NTRK2: variants seen among roughly 807,000 people sequenced by gnomAD.
The protein encoded by NTRK2 is neurotrophic receptor tyrosine kinase 2, also known as BDNF/NT-3 growth factors receptor.
NTRK2 carries 13 observed loss-of-function variants against 94.5 expected under a neutral mutation model. That is an observed-to-expected ratio of 0.14 (90% CI 0.09 to 0.22). The LOEUF is 0.22. Ranked by LOEUF, NTRK2 falls within the 10% of genes least tolerant of loss-of-function variation. NTRK2 has a pLI of 1.00. For missense variants in NTRK2, 639 were observed against 1,071.2 expected (o/e 0.60, Z 5.63); for synonymous variants, 372 against 407.4 (o/e 0.91, Z 1.05).
At chr9:84,686,950 A>G (rs13302051) in intron 2 of NTRK2, among the ~76,000 whole-genome samples, 4,216 of 152,348 alleles carry the variant, frequency 0.028, 72 homozygotes, top group Admixed American at 0.044. Flanking sequence ...ATATCTATTG[A>G]TGTTTTATTT....
intron 6 of NTRK2, among the ~76,000 whole-genome samples, chr9:84,716,744 G>A (rs2061734471): frequency 6.6e-6 from 1 of 152,136 alleles, no homozygotes; most frequent in African/African-American, 2.4e-5. Flanking sequence ...TTCTTAGAAT[G>A]TCAAATGAAG....
At chr9:84,944,793 G>T (rs74845333) in intron 15 of NTRK2, among the ~76,000 whole-genome samples, 1 of 152,152 alleles carries the variant, frequency 6.6e-6, no homozygotes, top group East Asian at 1.9e-4. Flanking sequence ...GGATTCTTAC[G>T]TGAGCAAACT....
chr9:84,983,146 T>C (rs1827862789), intron 17 of NTRK2, among the ~76,000 whole-genome samples: 1 of 152,212 alleles, frequency 6.6e-6, no homozygotes, highest in South Asian at 2.1e-4. Flanking sequence ...AAATTACTAC[T>C]ACTTGCTCTT....
intron 17 of NTRK2, among the ~76,000 whole-genome samples, chr9:85,018,840 G>A (rs986143540): frequency 1.3e-5 from 2 of 152,184 alleles, no homozygotes; most frequent in African/African-American, 4.8e-5. Context: ...ACTGCTGAAG[G>A]AAGAGTGAGG....
chr9:84,721,052 T>C (rs979365948), intron 6 of NTRK2, among the ~76,000 whole-genome samples: 1 of 152,218 alleles, frequency 6.6e-6, no homozygotes, highest in African/African-American at 2.4e-5. Context: ...CCTTTCATAG[T>C]GGTACATATA....
intron 12 of NTRK2, among the ~76,000 whole-genome samples, chr9:84,858,333 T>C (rs117128319): frequency 6.6e-6 from 1 of 152,262 alleles, no homozygotes; most frequent in South Asian, 2.1e-4. Flanking sequence ...TGAGTGTTTT[T>C]TTTGTTTGTT....
intron 17 of NTRK2, among the ~76,000 whole-genome samples, chr9:84,977,334 A>C (rs1167761854): frequency 6.6e-6 from 1 of 152,334 alleles, no homozygotes; most frequent in Admixed American, 6.5e-5. Flanking sequence ...ACAGAACTTT[A>C]GTGCTAAGTT....
chr9:85,019,772 CAGA>C (rs934433706), intron 17 of NTRK2, among the ~76,000 whole-genome samples: 7 of 152,218 alleles, frequency 4.6e-5, no homozygotes, highest in African/African-American at 1.7e-4. Context: ...GACCTGAAAG[CAGA>C]AGGAGACTCT....
intron 10 of NTRK2, among the ~76,000 whole-genome samples, chr9:84,742,718 T>A (rs935796057): frequency 6.7e-6 from 1 of 149,522 alleles, no homozygotes; most frequent in African/African-American, 2.5e-5. Context: ...TGGATAGGCT[T>A]AACCCCTTGA....
intron 17 of NTRK2, among the ~76,000 whole-genome samples, chr9:84,999,018 T>C (rs17088022): frequency 0.018 from 2,755 of 152,288 alleles, 50 homozygotes; most frequent in East Asian, 0.055. Flanking sequence ...GACTTTGAGG[T>C]TCTTGGTGCA....
intron 6 of NTRK2, among the ~76,000 whole-genome samples, chr9:84,722,196 A>G (rs1379780288): frequency 3.1e-5 from 4 of 128,704 alleles, no homozygotes; most frequent in African/African-American, 1.3e-4. Flanking sequence ...AAACCCCATG[A>G]AAGATGTAAC....
At chr9:84,822,528 T>C (rs1289960085) in intron 12 of NTRK2, among the ~76,000 whole-genome samples, 1 of 152,074 alleles carries the variant, frequency 6.6e-6, no homozygotes, top group Non-Finnish European at 1.5e-5. Flanking sequence ...TGAGAAACTC[T>C]TGGGTGAGAG....
chr9:84,916,257 C>T (rs1296297061), intron 14 of NTRK2, among the ~76,000 whole-genome samples: 2 of 151,994 alleles, frequency 1.3e-5, no homozygotes, highest in Non-Finnish European at 1.5e-5. Context: ...TAAAATGGAA[C>T]CATTTGAAGA....
Position 84,702,866 on chromosome 9 carries a change from T to C in NTRK2, c.359+447T>C, listed in dbSNP as rs115644943. On this transcript the variant is annotated intron_variant, in intron 4 of 18. Coordinates refer to ENST00000277120, the MANE Select transcript of NTRK2 (RefSeq NM_006180.6). The stretch of plus-strand genomic sequence containing the variant: ...AATAGGATTCTCTTTTGAACCTTCA[T>C]TTTCCCAAAGCCGTCTGTCATGGTT... Among the ~76,000 whole-genome samples the C allele has an allele frequency of 3.5e-3, 529 of 152,326 alleles. 3 individuals are homozygous for C. The highest frequency in any genetic ancestry group is 0.012 in the African/African-American group (507 of 41,574).
intron 2 of NTRK2, among the ~76,000 whole-genome samples, chr9:84,695,054 C>CAA (rs61049105): frequency 1.1e-3 from 75 of 68,060 alleles, no homozygotes; most frequent in East Asian, 2.2e-3. Flanking sequence ...GACTCCGTCT[C>CAA]AAAAAAAAAA....
At chr9:84,872,055 C>T (rs2075885012) in intron 14 of NTRK2, 10 of 1,393,610 alleles carry the variant, frequency 7.2e-6, no homozygotes, top group Non-Finnish European at 9.3e-6. Context: ...ATAGACCCAT[C>T]TCCTCGATCA....
chr9:84,908,466 CAAA>C (rs1479105401), intron 14 of NTRK2, among the ~76,000 whole-genome samples: 2 of 152,034 alleles, frequency 1.3e-5, no homozygotes, highest in Non-Finnish European at 2.9e-5. Context: ...TAAAACAAAA[CAAA>C]GAGATCTAAT....
intron 17 of NTRK2, among the ~76,000 whole-genome samples, chr9:84,974,048 T>C (rs987922651): frequency 9.6e-4 from 1 of 1,046 alleles, no homozygotes; most frequent in Non-Finnish European, 1.3e-3. Context: ...TAGATGATAC[T>C]ATCTTTTTCT....
intron 12 of NTRK2, among the ~76,000 whole-genome samples, chr9:84,789,592 C>T (rs1042157615): frequency 6.6e-6 from 1 of 152,120 alleles, no homozygotes; most frequent in Non-Finnish European, 1.5e-5. Flanking sequence ...CCAGCGTGAC[C>T]CATGGACTTG....
Sources: allele counts gnomAD v4.1 joint callset (sites outside exome capture counted in the v4.1 genomes callset), GRCh38; gene constraint gnomAD v4.1.1; transcripts MANE v1.5; gene names NCBI Gene and HGNC (gene_info 2026-07-23, HGNC 2026-07-21).